Variants in PPM1L observed in about 807,000 individuals in gnomAD.
PPM1L encodes the protein protein phosphatase, Mg2+/Mn2+ dependent 1L.
In PPM1L, 13 loss-of-function variants were observed where a neutral mutation model predicts 31.4. That is an observed-to-expected ratio of 0.41 (90% CI 0.27 to 0.66). The LOEUF (loss-of-function observed/expected upper bound fraction) is 0.66. Ranked by LOEUF, PPM1L falls within the 30% of genes least tolerant of loss-of-function variation. PPM1L has a pLI of 0.29. For synonymous variants in PPM1L, 184 were observed against 175.4 expected, an observed-to-expected ratio of 1.05 and a Z score of -0.39; for missense variants, 326 against 453.7, an observed-to-expected ratio of 0.72 and a Z score of 2.56.
intron 2 of PPM1L, among the ~76,000 whole-genome samples, chr3:161,043,481 T>C (rs1451716090): frequency 6.6e-6 from 1 of 152,196 alleles, no homozygotes; most frequent in African/African-American, 2.4e-5. Context: ...TTTTCACATG[T>C]GGAAAATATG....
intron 2 of PPM1L, among the ~76,000 whole-genome samples, chr3:160,970,353 T>C (rs1716282614): frequency 6.6e-6 from 1 of 152,142 alleles, no homozygotes; most frequent in Non-Finnish European, 1.5e-5. Context: ...AAAATCCACT[T>C]ATAAACTGAG....
intron 2 of PPM1L, chr3:161,022,499 G>T: frequency 5.0e-6 from 1 of 202,020 alleles, no homozygotes; most frequent in Non-Finnish European, 9.9e-6. Context: ...CTTAATTATT[G>T]GTTACATTTG....
At position 160,834,469 on chromosome 3, in the gene PPM1L, GTA is replaced by G. The variant is rs1279801178; in HGVS notation, c.399+77764_399+77765del. Reference sequence around the variant, plus strand: ...AGTTTTTACATGCATTTGTGTATGTGTATGTGTGTGTGTGTGTGTGTGTGTGT... The same window carrying G: ...AGTTTTTACATGCATTTGTGTATGTGTGTGTGTGTGTGTGTGTGTGTGTGT... On this transcript the variant is annotated intron_variant, in intron 1 of 3. Coordinates refer to ENST00000498165, the MANE Select transcript of PPM1L (RefSeq NM_139245.4). Among the ~76,000 whole-genome samples the G allele has an allele frequency of 9.7e-3, 1,096 of 112,546 alleles. 10 individuals are homozygous for G. Among genetic ancestry groups the G allele is most frequent in the African/African-American group, 0.052 (1,047 of 20,214 alleles). The allele number at this position is 112,546 out of a possible 152,430, so 73.8% of individuals were successfully genotyped here.
intron 3 of PPM1L, 149 bp downstream of exon 3, chr3:161,065,713 T>G (rs1163296573): frequency 1.7e-6 from 1 of 593,838 alleles, no homozygotes. Context: ...TAACATTACC[T>G]ATCAAATAAA....
chr3:160,943,202 T>C (rs1715218275), intron 1 of PPM1L, among the ~76,000 whole-genome samples: 1 of 152,180 alleles, frequency 6.6e-6, no homozygotes, highest in Admixed American at 6.5e-5. Context: ...ACCAAACTCA[T>C]ATGCAGGAGA....
intron 1 of PPM1L, among the ~76,000 whole-genome samples, chr3:160,909,275 C>T (rs547387163): frequency 6.6e-6 from 1 of 152,062 alleles, no homozygotes; most frequent in Admixed American, 6.6e-5. Context: ...AAGGCCATGG[C>T]ATGGGAAGGA....
chr3:160,993,881 T>G (rs2088621831), intron 2 of PPM1L, among the ~76,000 whole-genome samples: 11 of 152,100 alleles, frequency 7.2e-5, no homozygotes, highest in Admixed American at 7.2e-4. Context: ...TTCCTTTTTG[T>G]TTTTCTCTCC....
At chr3:161,038,205 G>C (rs1718803109) in intron 2 of PPM1L, among the ~76,000 whole-genome samples, 1 of 141,096 alleles carries the variant, frequency 7.1e-6, no homozygotes, top group Non-Finnish European at 1.5e-5. Flanking sequence ...CTGCACTCCA[G>C]CCTGGGCGAC....
In PPM1L at chr3:161,005,321, T is replaced by A. The variant is rs533354753; in HGVS notation, c.574+43411T>A. 5.9e-5 allele frequency among the ~76,000 whole-genome samples: 9 copies of A among 152,314 alleles called. 1 individual carries two copies. In the East Asian group the frequency reaches 1.7e-3, roughly 29 times the overall value. ...ATTTCTTGAGTTTTCAGCACAGTACTAGTTTCTATGAAAAAACAAAGTGAG... is the reference window on the plus strand; with the variant it reads ...ATTTCTTGAGTTTTCAGCACAGTACAAGTTTCTATGAAAAAACAAAGTGAG... On this transcript the variant is annotated intron_variant, in intron 2 of 3. Coordinates refer to ENST00000498165, the MANE Select transcript of PPM1L (RefSeq NM_139245.4).
chr3:160,789,372 A>G (rs61459435), intron 1 of PPM1L, among the ~76,000 whole-genome samples: 11,437 of 151,996 alleles, frequency 0.075, 1,398 homozygotes, highest in African/African-American at 0.26. Context: ...TTGTCTAATC[A>G]TATTGTAAAT....
intron 1 of PPM1L, among the ~76,000 whole-genome samples, chr3:160,898,644 G>A (rs993296399): frequency 1.3e-5 from 2 of 152,072 alleles, no homozygotes; most frequent in Non-Finnish European, 2.9e-5. Context: ...CGTCAGTTCT[G>A]GCCCTTCTAG....
At chr3:160,804,702 A>G (rs1313058422) in intron 1 of PPM1L, among the ~76,000 whole-genome samples, 2 of 152,196 alleles carry the variant, frequency 1.3e-5, no homozygotes, top group East Asian at 1.9e-4. Flanking sequence ...TTTATAGATA[A>G]CTATGTTTGT....
chr3:160,795,423 C>T (rs1020112422), intron 1 of PPM1L, among the ~76,000 whole-genome samples: 1 of 152,104 alleles, frequency 6.6e-6, no homozygotes, highest in East Asian at 1.9e-4. Context: ...CCCCCACAAA[C>T]AAAACTGACT....
chr3:161,053,997 T>C (rs1389061042), intron 2 of PPM1L, among the ~76,000 whole-genome samples: 1 of 152,186 alleles, frequency 6.6e-6, no homozygotes, highest in Non-Finnish European at 1.5e-5. Flanking sequence ...GCCGCTCTGC[T>C]CTTTAGCACA....
chr3:160,966,274 G>A (rs576237412), intron 2 of PPM1L, among the ~76,000 whole-genome samples: 29 of 152,182 alleles, frequency 1.9e-4, no homozygotes, highest in Middle Eastern at 3.4e-3. Flanking sequence ...GACTTAAAAT[G>A]TTATACTTTA....
At chr3:160,913,694 T>C (rs1343701156) in intron 1 of PPM1L, among the ~76,000 whole-genome samples, 1 of 152,192 alleles carries the variant, frequency 6.6e-6, no homozygotes, top group Admixed American at 6.5e-5. Context: ...TTCAGCATAA[T>C]GTTTTTGAGA....
At chr3:160,835,148 C>T (rs1437793124) in intron 1 of PPM1L, among the ~76,000 whole-genome samples, 8 of 92,606 alleles carry the variant, frequency 8.6e-5, no homozygotes, top group African/African-American at 9.5e-5. Flanking sequence ...CCTTTTTCTT[C>T]CTTTTTTTTT....
chr3:160,994,571 A>G (rs1717246125), intron 2 of PPM1L, among the ~76,000 whole-genome samples: 1 of 152,184 alleles, frequency 6.6e-6, no homozygotes, highest in Non-Finnish European at 1.5e-5. Context: ...CAGAACATAC[A>G]TTCAGGTGCA....
intron 1 of PPM1L, among the ~76,000 whole-genome samples, chr3:160,955,475 A>T (rs6808386): frequency 0.43 from 65,314 of 151,688 alleles, 14,777 homozygotes; most frequent in East Asian, 0.73. Context: ...CTCGGGATTC[A>T]TGCGTATTTT....
Sources: gnomAD v4.1 joint callset for allele counts (sites outside exome capture counted in the v4.1 genomes callset) on GRCh38, gnomAD v4.1.1 for gene constraint, MANE v1.5 for transcripts, NCBI Gene and HGNC (gene_info 2026-07-23, HGNC 2026-07-21) for gene names.